The following CACNA1E variants were observed in gnomAD, a reference collection of about 807,000 sequenced individuals.
The protein encoded by CACNA1E is voltage-dependent R-type calcium channel subunit alpha-1E.
Under a neutral mutation model 259.2 loss-of-function variants are expected in CACNA1E, and 40 were observed. The ratio of observed to expected loss-of-function variants is 0.15; its 90% CI spans 0.12 to 0.20. CACNA1E has a LOEUF of 0.20. CACNA1E is among the 10% of genes least tolerant of loss of function. The pLI is 1.00. For synonymous variants in CACNA1E, 1,104 were observed against 1,138.5 expected (o/e 0.97, Z 0.61); for missense variants, 1,874 against 3,040.1 (o/e 0.62, Z 9.02).
At chr1:181,509,428 C>T (rs757987683) in intron 1 of CACNA1E, among the ~76,000 whole-genome samples, 5 of 152,168 alleles carry the variant, frequency 3.3e-5, no homozygotes, top group Non-Finnish European at 7.3e-5. Context: ...TTCCTTCCCT[C>T]CACTTTGCCA....
At chr1:181,682,324 C>T (rs988505408) in intron 7 of CACNA1E, among the ~76,000 whole-genome samples, 4 of 152,180 alleles carry the variant, frequency 2.6e-5, no homozygotes, top group Non-Finnish European at 2.9e-5. Flanking sequence ...ATGATAAAAA[C>T]TGACCCTCCA....
In CACNA1E at chr1:181,374,242, C is replaced by T. The variant is rs974212551; in HGVS notation, c.-14-38891C>T. ...GTTTCAAATAATTTTTTTATTTCTG[C>T]CTTAATTTATTTCTTTACCCAATGG... On this transcript the variant is annotated intron_variant, in intron 1 of 11. Coordinates refer to the CACNA1E transcript ENST00000524607. Among the ~76,000 whole-genome samples, 101 of 152,154 alleles carry T rather than the reference C, an allele frequency of 6.6e-4. 1 individual carries two copies. The highest frequency in any genetic ancestry group is 2.2e-3 in the African/African-American group (91 of 41,518).
intron 24 of CACNA1E, 39 bp from the exon 25 acceptor site, chr1:181,739,108 C>A: frequency 7.9e-7 from 1 of 1,264,984 alleles, no homozygotes. Flanking sequence ...GTTGCCCACA[C>A]TTTCTTGGCT....
intron 2 of CACNA1E, among the ~76,000 whole-genome samples, chr1:181,450,459 T>C (rs1661089211): frequency 6.6e-6 from 1 of 151,904 alleles, no homozygotes. Flanking sequence ...TGTGTGTGTG[T>C]GTTTGTGTGT....
Position 181,721,842 on chromosome 1 carries a change from A to G in CACNA1E, c.2041A>G (p.Ile681Val). The change falls in exon 16 of 48, where the codon ATC (isoleucine) becomes GTC (valine). Residue 681 changes from isoleucine (I) to valine (V), a missense_variant. Ile to Val is a conservative substitution (Grantham distance 29). Coordinates refer to ENST00000367573, the MANE Select transcript of CACNA1E (RefSeq NM_001205293.3). ...GGTCAGCTCAGGCATGTGGTCTGCC[A>G]TCTACTTCATTGTGCTCACCTTGTT... ...GGVSSGMWSA[I>V]YFIVLTLFGN... The G allele has an allele frequency of 6.2e-7, 1 of 1,612,820 alleles. No individual in the cohort carries two copies. The highest frequency in any genetic ancestry group is 8.5e-7 in the Non-Finnish European group (1 of 1,178,854).
intron 3 of CACNA1E, among the ~76,000 whole-genome samples, chr1:181,526,982 C>T (rs1667409655): frequency 6.6e-6 from 1 of 152,104 alleles, no homozygotes; most frequent in Non-Finnish European, 1.5e-5. Context: ...TTACTCTAGC[C>T]CCCACAAAAA....
chr1:181,654,171 T>C (rs1363933330), intron 7 of CACNA1E, among the ~76,000 whole-genome samples: 1 of 151,012 alleles, frequency 6.6e-6, no homozygotes, highest in Non-Finnish European at 1.5e-5. Context: ...AAAAAACATT[T>C]AGAGGTTAAG....
Position 181,802,204 on chromosome 1 carries a change from C to G in CACNA1E, c.*3370C>G, listed in dbSNP as rs1311143344. 1 of 152,258 alleles carries G rather than the reference C, an allele frequency of 6.6e-6. No individual in the cohort carries two copies. Among genetic ancestry groups the G allele is most frequent in the Non-Finnish European group, 1.5e-5 (1 of 68,092 alleles). The allele number at this position is 152,258 out of a possible 1,614,324, so 9.4% of individuals were successfully genotyped here. A position where few individuals can be genotyped will look rare whatever the true frequency, so the allele number is the denominator to read the frequency against. On this transcript the variant is annotated 3_prime_UTR_variant, in exon 48 of 48. Coordinates refer to ENST00000367573, the MANE Select transcript of CACNA1E (RefSeq NM_001205293.3). ...CCACATGAGTCATGAACACAATTGT[C>G]AGTGGGGGTCTCTGCTGCTCTTCTG...
At chr1:181,500,561 C>T (rs1665157045) in intron 1 of CACNA1E, among the ~76,000 whole-genome samples, 1 of 152,224 alleles carries the variant, frequency 6.6e-6, no homozygotes, top group Non-Finnish European at 1.5e-5. Flanking sequence ...GGAAGTTCTT[C>T]TCTTTATTGC....
Position 181,746,041 on chromosome 1 carries a change from G to T in CACNA1E, c.3720-4435G>T, listed in dbSNP as rs147810273. ...AGGATTATGCACCACTTAGCATAGAGCTAGTGCTCTGGTCACATGACAAAG... is the reference window on the plus strand; with the variant it reads ...AGGATTATGCACCACTTAGCATAGATCTAGTGCTCTGGTCACATGACAAAG... On this transcript the variant is annotated intron_variant, in intron 25 of 47. Transcript: ENST00000367573. Among the ~76,000 whole-genome samples the T allele has an allele frequency of 1.8e-3, 277 of 152,326 alleles. 1 individual carries two copies. The highest frequency in any genetic ancestry group is 6.6e-3 in the African/African-American group (274 of 41,562).
At chr1:181,674,106 G>A (rs924104616) in intron 7 of CACNA1E, among the ~76,000 whole-genome samples, 10 of 151,818 alleles carry the variant, frequency 6.6e-5, no homozygotes, top group Non-Finnish European at 1.0e-4. Context: ...AGGGCTGGGC[G>A]CGGTGGCTCA....
chr1:181,612,928 G>C (rs567069200), intron 6 of CACNA1E, among the ~76,000 whole-genome samples: 2 of 152,182 alleles, frequency 1.3e-5, no homozygotes, highest in Non-Finnish European at 2.9e-5. Context: ...TTTTATGTGT[G>C]TTGTGAGCAG....
At chr1:181,385,089 G>GTT (rs1006726642) in intron 1 of CACNA1E, among the ~76,000 whole-genome samples, 108 of 152,224 alleles carry the variant, frequency 7.1e-4, no homozygotes, top group African/African-American at 2.3e-3. Flanking sequence ...AGCTTACAAA[G>GTT]GGCGGTCTCT....
chr1:181,592,796 C>T (rs1558162450), intron 6 of CACNA1E, among the ~76,000 whole-genome samples: 4 of 150,988 alleles, frequency 2.6e-5, no homozygotes, highest in African/African-American at 4.9e-5. Context: ...CCCATGCATG[C>T]ACACACACAC....
chr1:181,494,051 G>A (rs1664532194), intron 1 of CACNA1E, among the ~76,000 whole-genome samples: 2 of 152,144 alleles, frequency 1.3e-5, no homozygotes, highest in African/African-American at 4.8e-5. Context: ...GAATGAGTCT[G>A]GCTTTAAGAT....
intron 3 of CACNA1E, among the ~76,000 whole-genome samples, chr1:181,526,188 A>G (rs1249152755): frequency 1.3e-5 from 2 of 152,162 alleles, no homozygotes; most frequent in Non-Finnish European, 2.9e-5. Flanking sequence ...AAGGATTTTT[A>G]AAAAATTCTT....
At chr1:181,724,592 T>C (rs1654717706) in intron 17 of CACNA1E, 55 bp downstream of exon 17, 14 of 1,436,818 alleles carry the variant, frequency 9.7e-6, no homozygotes, top group African/African-American at 5.6e-5. Flanking sequence ...GGGTACCCTT[T>C]GGCCTTTGGA....
chr1:181,798,429 G>T lies in CACNA1E; in HGVS notation c.6537G>T (p.Ala2179=), dbSNP rs375338599. 4 of 1,613,642 alleles carry T rather than the reference G, an allele frequency of 2.5e-6. No homozygotes were observed. The highest frequency in any genetic ancestry group is 3.4e-6 in the Non-Finnish European group (4 of 1,179,884). The change falls in exon 48 of 48, where the codon GCG becomes GCT. Residue 2179 remains alanine (A), a synonymous_variant. Transcript: ENST00000367573. This position sits in a 1 kb window ranked among gnomAD's most constrained non-coding sequence, Gnocchi z 4.2. ...CCTACAGCTCCCTGATTCGACACGC[G>T]GGCAGCATCTCTCCACCTGCTGATG... ...LLSYSSLIRH[A]GSISPPADGS... is the part of the protein sequence containing the mutation.
chr1:181,696,643 A>C (rs565439589), intron 7 of CACNA1E, among the ~76,000 whole-genome samples: 1 of 152,166 alleles, frequency 6.6e-6, no homozygotes, highest in Non-Finnish European at 1.5e-5. Flanking sequence ...AGCTGTGACC[A>C]GGTGTATGTA....
Sources: allele counts gnomAD v4.1 joint callset (sites outside exome capture counted in the v4.1 genomes callset), GRCh38; gene constraint gnomAD v4.1.1; non-coding constraint Gnocchi (gnomAD v3.1); transcripts MANE v1.5; gene names NCBI Gene and HGNC (gene_info 2026-07-23, HGNC 2026-07-21).